The following RABGEF1 variants were observed in gnomAD, a reference collection of about 807,000 sequenced individuals.
RABGEF1 encodes rab5 GDP/GTP exchange factor.
Under a neutral mutation model 57.3 loss-of-function variants are expected in RABGEF1, and 26 were observed. The observed-to-expected ratio is 0.45, with a 90% confidence interval of 0.33 to 0.63. RABGEF1 has a LOEUF of 0.63. Among genes scored for constraint, RABGEF1 ranks in the 20% least tolerant of loss-of-function variants. The pLI is 0.02. For synonymous variants in RABGEF1, 185 were observed against 210.7 expected, an observed-to-expected ratio of 0.88 and a Z score of 1.06; for missense variants, 464 against 607.6, an observed-to-expected ratio of 0.76 and a Z score of 2.48.
At chr7:66,740,664 T>C (rs1172718293), upstream of RABGEF1, 3 of 152,830 alleles carry the variant, frequency 2.0e-5, no homozygotes, top group Admixed American at 1.3e-4. Context: ...GTAACGTGCG[T>C]TCGCTGGCGG....
At chr7:66,770,628 C>T (rs1395237827) in intron 1 of RABGEF1, among the ~76,000 whole-genome samples, 2 of 152,132 alleles carry the variant, frequency 1.3e-5, no homozygotes, top group Non-Finnish European at 2.9e-5. Context: ...GGACTACAGG[C>T]ATACACCATC....
intron 4 of RABGEF1, among the ~76,000 whole-genome samples, chr7:66,788,074 T>A (rs966353019): frequency 2.6e-5 from 4 of 152,238 alleles, no homozygotes; most frequent in African/African-American, 9.6e-5. Flanking sequence ...GTGTAGCTTG[T>A]CCTGCTTTTA....
chr7:66,659,033 G>A, the RABGEF1 span, among the ~76,000 whole-genome samples: 10 of 152,146 alleles, frequency 6.6e-5, no homozygotes, highest in African/African-American at 1.9e-4. Flanking sequence ...CCCGGTGCCC[G>A]GCCGAGAAGG....
upstream of RABGEF1, among the ~76,000 whole-genome samples, chr7:66,681,726 A>T (rs189217716): frequency 6.6e-6 from 1 of 152,314 alleles, no homozygotes; most frequent in Non-Finnish European, 1.5e-5. Flanking sequence ...AACACCTGTC[A>T]CATCCTAGGA....
the RABGEF1 span, among the ~76,000 whole-genome samples, chr7:66,659,949 T>A: frequency 1.3e-5 from 2 of 150,562 alleles, no homozygotes; most frequent in Admixed American, 1.3e-4. Context: ...AGAGAATAGA[T>A]AAAATTAAAA....
rs79125988 is a variant in RABGEF1 at position 66,777,883 on chromosome 7, C to T, written c.346+2490C>T. On this transcript the variant is annotated intron_variant, in intron 3 of 8. Coordinates refer to ENST00000284957, the MANE Select transcript of RABGEF1 (RefSeq NM_014504.3). ...GATTTTTACCTTTGTTCTTGTCTCC[C>T]CTCATCCCCCATCTTTTTGAATGAT... 2.8e-3 allele frequency among the ~76,000 whole-genome samples: 429 copies of T among 152,236 alleles called. 17 individuals are homozygous for T. The East Asian group carries it at 0.076, about 27-fold the overall frequency.
rs1432275051 is a variant in RABGEF1, at chr7:66,740,774, C to G, written c.-36C>G. 6.6e-6 allele frequency: 1 copy of G among 152,588 alleles called. No homozygotes were observed. Among genetic ancestry groups the G allele is most frequent in the Non-Finnish European group, 1.5e-5 (1 of 68,452 alleles). 9.5% of individuals were successfully genotyped at this position (152,588 alleles called of 1,614,324 possible). A position where few individuals can be genotyped will look rare whatever the true frequency, so the allele number is the denominator to read the frequency against. On this transcript the variant is annotated 5_prime_UTR_variant, in exon 1 of 9. Coordinates refer to ENST00000284957, the MANE Select transcript of RABGEF1 (RefSeq NM_014504.3). Reference sequence around the variant, plus strand: ...AGCGGGCGAGCGGTGGTTTGGACGCCGGCGGAGACGCGGGCGAGGTACGGA... The same window carrying G: ...AGCGGGCGAGCGGTGGTTTGGACGCGGGCGGAGACGCGGGCGAGGTACGGA...
At chr7:66,664,800 T>C in the RABGEF1 span, among the ~76,000 whole-genome samples, 1 of 152,042 alleles carries the variant, frequency 6.6e-6, no homozygotes, top group Non-Finnish European at 1.5e-5. Context: ...GAGTCAGGGG[T>C]CACCTCATCC....
intron 1 of RABGEF1, among the ~76,000 whole-genome samples, chr7:66,747,910 A>G (rs1193327343): frequency 6.6e-6 from 1 of 152,246 alleles, no homozygotes; most frequent in African/African-American, 2.4e-5. Flanking sequence ...TGTTGGTAAC[A>G]TAACAGATAA....
At chr7:66,731,090 A>G (rs1562747220) in intron 2 of RABGEF1, among the ~76,000 whole-genome samples, 5 of 152,216 alleles carry the variant, frequency 3.3e-5, no homozygotes, top group Admixed American at 3.3e-4. Flanking sequence ...GGGGGCACAC[A>G]GGGACACTGA....
the RABGEF1 span, among the ~76,000 whole-genome samples, chr7:66,664,101 C>T: frequency 6.8e-6 from 1 of 146,288 alleles, no homozygotes; most frequent in Admixed American, 6.8e-5. Flanking sequence ...AAAAAGCTAA[C>T]ATGAAATGCT....
intron 1 of RABGEF1, among the ~76,000 whole-genome samples, chr7:66,697,306 G>T (rs985388821): frequency 6.6e-6 from 1 of 152,178 alleles, no homozygotes; most frequent in African/African-American, 2.4e-5. Flanking sequence ...TGCTGTAGGG[G>T]GCTTGCAGCG....
chr7:66,699,746 G>A (rs1333527374), intron 1 of RABGEF1, among the ~76,000 whole-genome samples: 9 of 151,986 alleles, frequency 5.9e-5, no homozygotes, highest in African/African-American at 1.9e-4. Context: ...CCAGCTACTC[G>A]GGAGGCTGAG....
intron 2 of RABGEF1, among the ~76,000 whole-genome samples, chr7:66,774,650 C>T (rs1382388094): frequency 6.6e-6 from 1 of 152,150 alleles, no homozygotes; most frequent in Non-Finnish European, 1.5e-5. Context: ...GTCCCAATAA[C>T]TTGGGAGGCT....
chr7:66,804,881 A>G (rs1788098976), intron 7 of RABGEF1, among the ~76,000 whole-genome samples: 1 of 152,146 alleles, frequency 6.6e-6, no homozygotes, highest in Non-Finnish European at 1.5e-5. Context: ...AAAATGGATA[A>G]TATTAATAAG....
At chr7:66,754,993 A>G (rs781452545) in intron 1 of RABGEF1, among the ~76,000 whole-genome samples, 1 of 151,964 alleles carries the variant, frequency 6.6e-6, no homozygotes, top group African/African-American at 2.4e-5. Flanking sequence ...TGGGAAATAT[A>G]GCTAGATCCT....
intron 1 of RABGEF1, among the ~76,000 whole-genome samples, chr7:66,701,363 A>G (rs1166308795): frequency 1.3e-5 from 2 of 152,240 alleles, no homozygotes; most frequent in East Asian, 3.9e-4. Flanking sequence ...TTAGCCAGGC[A>G]TGGTGGCGCA....
intron 2 of RABGEF1, chr7:66,773,912 C>T (rs555150457): frequency 1.4e-4 from 59 of 411,126 alleles, no homozygotes; most frequent in Middle Eastern, 8.2e-4. Context: ...GTGATCCGGC[C>T]GCCTTGGCCT....
At chr7:66,799,484 A>G in intron 7 of RABGEF1, 70 bp downstream of exon 7, 2 of 1,233,168 alleles carry the variant, frequency 1.6e-6, no homozygotes, top group Non-Finnish European at 2.3e-6. Flanking sequence ...TGTAATATTC[A>G]TCTATACATT....
Sources: allele counts gnomAD v4.1 joint callset (sites outside exome capture counted in the v4.1 genomes callset), GRCh38; gene constraint gnomAD v4.1.1; transcripts MANE v1.5; gene names NCBI Gene and HGNC (gene_info 2026-07-23, HGNC 2026-07-21).